Variants in ANKH observed in about 807,000 individuals in gnomAD.
ANKH encodes the protein mineralization regulator ANKH.
Under a neutral mutation model 49.0 loss-of-function variants are expected in ANKH, and 15 were observed. The ratio of observed to expected loss-of-function variants is 0.31; its 90% CI spans 0.20 to 0.47. The LOEUF (loss-of-function observed/expected upper bound fraction) is 0.47. ANKH is among the 20% of genes least tolerant of loss of function. The pLI, the probability that ANKH is intolerant of heterozygous loss-of-function variation, is 1.00. For missense variants in ANKH, 429 were observed against 652.0 expected (o/e 0.66, Z 3.72); for synonymous variants, 273 against 260.0 (o/e 1.05, Z -0.48).
chr5:14,833,522 A>T (rs1357515161), intron 1 of ANKH, among the ~76,000 whole-genome samples: 1 of 152,204 alleles, frequency 6.6e-6, no homozygotes, highest in Non-Finnish European at 1.5e-5. Context: ...CTCCTCCCCC[A>T]GTCTGGGTAT....
At chr5:14,827,769 C>A (rs1741386457) in intron 1 of ANKH, among the ~76,000 whole-genome samples, 1 of 151,884 alleles carries the variant, frequency 6.6e-6, no homozygotes, top group African/African-American at 2.4e-5. Context: ...TTGGGAGATT[C>A]TACTCACTGA....
chr5:14,714,054 C>T (rs1310123848), intron 9 of ANKH, among the ~76,000 whole-genome samples: 1 of 152,256 alleles, frequency 6.6e-6, no homozygotes, highest in Non-Finnish European at 1.5e-5. Context: ...TGTGATGCTG[C>T]GTGAGCAGAA....
chr5:14,776,569 T>C (rs1165369964), intron 1 of ANKH, among the ~76,000 whole-genome samples: 3 of 152,168 alleles, frequency 2.0e-5, no homozygotes, highest in Non-Finnish European at 4.4e-5. Flanking sequence ...AGTGCTGTAG[T>C]TCAGTTACTT....
At chr5:14,789,962 G>A (rs1217155737) in intron 1 of ANKH, among the ~76,000 whole-genome samples, 5 of 152,224 alleles carry the variant, frequency 3.3e-5, no homozygotes, top group African/African-American at 1.2e-4. Context: ...TACCCGCCTC[G>A]GCCTCCCAAA....
intron 1 of ANKH, among the ~76,000 whole-genome samples, chr5:14,785,775 C>T (rs994787987): frequency 6.6e-6 from 1 of 152,096 alleles, no homozygotes; most frequent in Non-Finnish European, 1.5e-5. Flanking sequence ...TCTGTATCGG[C>T]AGGGCGTGGT....
chr5:14,749,059 A>C, intron 6 of ANKH, 113 bp downstream of exon 6: 1 of 1,448,886 alleles, frequency 6.9e-7, no homozygotes, highest in Admixed American at 1.7e-5. Context: ...ACTGTCATGT[A>C]ATTTAATATT....
rs1488143354 is a variant in ANKH, at chr5:14,707,211, AT to A, written c.*3985del. ...GAAAGATTTTTAAATACAAGAAAAT[AT>A]TTCTCAAGGAAATGTAATTACAACA... is the stretch of plus-strand genomic sequence containing the variant. On this transcript the variant is annotated 3_prime_UTR_variant, in exon 12 of 12. Transcript: ENST00000284268. 6.6e-6 allele frequency: 1 copy of A among 152,130 alleles called. No individual in the cohort carries two copies. The highest frequency in any genetic ancestry group is 2.4e-5 in the African/African-American group (1 of 41,408). 9.4% of individuals were successfully genotyped at this position (152,130 alleles called of 1,614,324 possible). A position where few individuals can be genotyped will look rare whatever the true frequency, so the allele number is the denominator to read the frequency against.
chr5:14,864,301 T>C (rs1477059594), intron 1 of ANKH, among the ~76,000 whole-genome samples: 2 of 152,212 alleles, frequency 1.3e-5, no homozygotes, highest in Non-Finnish European at 2.9e-5. Context: ...TGGATATGCT[T>C]GGAAGTATGT....
intron 1 of ANKH, among the ~76,000 whole-genome samples, chr5:14,801,059 A>T (rs1580079238): frequency 6.6e-6 from 1 of 152,270 alleles, no homozygotes; most frequent in East Asian, 1.9e-4. Context: ...GGAAAACCAA[A>T]AAGTGTGTGT....
Position 14,705,863 on chromosome 5 carries a change from T to TG in ANKH, c.*5333dup, listed in dbSNP as rs1736928646. Reference sequence around the variant, plus strand: ...CTGTTTCATTCAAACCGTGGGTCCCTGCATGTTCATGGCCCCACACTTCAG... The same window carrying TG: ...CTGTTTCATTCAAACCGTGGGTCCCTGGCATGTTCATGGCCCCACACTTCAG... On this transcript the variant is annotated 3_prime_UTR_variant, in exon 12 of 12. Coordinates refer to ENST00000284268, the MANE Select transcript of ANKH (RefSeq NM_054027.6). 6.6e-6 allele frequency: 1 copy of TG among 152,286 alleles called. No individual in the cohort carries two copies. The highest frequency in any genetic ancestry group is 2.4e-5 in the African/African-American group (1 of 41,450). The allele number at this position is 152,286 out of a possible 1,614,324, so 9.4% of individuals were successfully genotyped here.
chr5:14,810,707 C>T (rs903451354), intron 1 of ANKH, among the ~76,000 whole-genome samples: 3 of 152,168 alleles, frequency 2.0e-5, no homozygotes, highest in Non-Finnish European at 2.9e-5. Flanking sequence ...TAACTTCTAC[C>T]TTCTGTCCCC....
intron 1 of ANKH, among the ~76,000 whole-genome samples, chr5:14,814,173 CATTT>C (rs1740965518): frequency 6.6e-6 from 1 of 152,238 alleles, no homozygotes; most frequent in Non-Finnish European, 1.5e-5. Context: ...GACATTTTGA[CATTT>C]ATTTCATTCC....
Position 14,707,035 on chromosome 5 carries a change from C to G in ANKH, c.*4162G>C, listed in dbSNP as rs1736966874. 6.6e-6 allele frequency: 1 copy of G among 152,190 alleles called. No individual in the cohort carries two copies. Among genetic ancestry groups the G allele is most frequent in the Non-Finnish European group, 1.5e-5 (1 of 68,046 alleles). 9.4% of individuals were successfully genotyped at this position (152,190 alleles called of 1,614,324 possible). A position where few individuals can be genotyped will look rare whatever the true frequency, so the allele number is the denominator to read the frequency against. On this transcript the variant is annotated 3_prime_UTR_variant, in exon 12 of 12. Transcript: ENST00000284268. ...TTCCAAAGAAAGGTGAGGAGCAGAA[C>G]TTAGAAGATAAAGGACCCCTTTTTC...
chr5:14,751,536 T>C (rs1484367821), intron 4 of ANKH, among the ~76,000 whole-genome samples: 1 of 152,298 alleles, frequency 6.6e-6, no homozygotes, highest in Admixed American at 6.5e-5. Context: ...TTTAAAAAAA[T>C]TTATGCAATA....
chr5:14,803,161 C>G (rs142881836), intron 1 of ANKH, among the ~76,000 whole-genome samples: 7 of 152,354 alleles, frequency 4.6e-5, no homozygotes, highest in Non-Finnish European at 8.8e-5. Flanking sequence ...AGAACTATTA[C>G]TGTGTCAGGT....
chr5:14,716,226 G>T (rs1475899284), intron 9 of ANKH, among the ~76,000 whole-genome samples: 1 of 152,166 alleles, frequency 6.6e-6, no homozygotes, highest in East Asian at 1.9e-4. Context: ...TGTACGCCAG[G>T]TGCAGTGGCT....
chr5:14,809,973 A>G (rs1740827828), intron 1 of ANKH, among the ~76,000 whole-genome samples: 1 of 152,132 alleles, frequency 6.6e-6, no homozygotes, highest in Admixed American at 6.5e-5. Flanking sequence ...AGCTGAATTC[A>G]AGCCACAGAC....
chr5:14,807,025 C>G lies in ANKH; in HGVS notation c.97-37834G>C, dbSNP rs62355975. 8.3e-3 allele frequency among the ~76,000 whole-genome samples: 1,262 copies of G among 152,036 alleles called. 7 individuals are homozygous for G. Among genetic ancestry groups the G allele is most frequent in the Non-Finnish European group, 0.014 (957 of 67,986 alleles). ...AAATGTTTCTTTTGTCTCTTTCTTC[C>G]TGACCAAGCATTAAACTAACTGCCA... On this transcript the variant is annotated intron_variant, in intron 1 of 11. Transcript: ENST00000284268.
At chr5:14,794,484 C>A (rs1231307178) in intron 1 of ANKH, among the ~76,000 whole-genome samples, 3 of 152,256 alleles carry the variant, frequency 2.0e-5, no homozygotes, top group South Asian at 4.1e-4. Flanking sequence ...CCTCTCCTAT[C>A]TTCTTTCGTA....
Sources: allele counts gnomAD v4.1 joint callset (sites outside exome capture counted in the v4.1 genomes callset), GRCh38; gene constraint gnomAD v4.1.1; transcripts MANE v1.5; gene names NCBI Gene and HGNC (gene_info 2026-07-23, HGNC 2026-07-21).